Variants in WDR62 observed in about 807,000 individuals in gnomAD.
The protein encoded by WDR62 is WD repeat domain 62, also known as WD repeat-containing protein 62.
WDR62 carries 112 observed loss-of-function variants against 160.6 expected under a neutral mutation model. The observed-to-expected ratio is 0.70, with a 90% CI of 0.60 to 0.82. The LOEUF (loss-of-function observed/expected upper bound fraction) is 0.82, where lower values mean the gene tolerates loss of function less well. Ranked by LOEUF, WDR62 falls within the 40% of genes least tolerant of loss-of-function variation. The pLI, the probability that WDR62 is intolerant of heterozygous loss-of-function variation, is 0.00. For missense variants in WDR62, 1,819 were observed against 1,983.8 expected (o/e 0.92, Z 1.58); for synonymous variants, 792 against 815.1 (o/e 0.97, Z 0.48).
intron 1 of WDR62, among the ~76,000 whole-genome samples, chr19:36,058,575 T>TC (rs1232054313): frequency 2.0e-5 from 3 of 152,250 alleles, no homozygotes; most frequent in African/African-American, 7.2e-5. Context: ...ATTTGTCTCT[T>TC]CCTCACCACT....
intron 9 of WDR62, chr19:36,073,920 A>G (rs537735041): frequency 1.5e-4 from 55 of 362,146 alleles, no homozygotes; most frequent in Middle Eastern, 2.0e-3. Context: ...GAGAACCACA[A>G]GCACAGAGGC....
intron 1 of WDR62, 143 bp from the exon 2 acceptor site, chr19:36,058,637 G>T: frequency 1.4e-6 from 1 of 708,510 alleles, no homozygotes; most frequent in East Asian, 2.7e-5. Flanking sequence ...GAGAGAACAA[G>T]TGTTAGCTGC....
intron 23 of WDR62, 97 bp downstream of exon 23, chr19:36,100,972 G>C (rs1297465510): frequency 4.4e-6 from 7 of 1,582,538 alleles, no homozygotes; most frequent in Non-Finnish European, 5.2e-6. Context: ...CAGTGGGCTT[G>C]TGGGAGTGGG....
chr19:36,065,866 G>A lies in WDR62; in HGVS notation c.333-92G>A, dbSNP rs1452827153. On this transcript the variant is annotated intron_variant, in intron 3 of 31. Coordinates refer to ENST00000401500, the MANE Select transcript of WDR62 (RefSeq NM_001083961.2). ...GGCCTCTTCCGAGGCTTGGGAGGCA[G>A]AAGAGGGCAGAGTCCTATCAGAGTC... The A allele has an allele frequency of 5.5e-6, 7 of 1,282,676 alleles. No homozygotes were observed. In the Admixed American group the frequency reaches 1.0e-4, roughly 18 times the overall value. 79.5% of individuals were successfully genotyped at this position (1,282,676 alleles called of 1,614,324 possible).
chr19:36,060,280 T>A, intron 3 of WDR62: 1 of 562,406 alleles, frequency 1.8e-6, no homozygotes, highest in Non-Finnish European at 3.2e-6. Flanking sequence ...GGGCTGATCA[T>A]GATCAGTGCT....
intron 23 of WDR62, 48 bp downstream of exon 23, chr19:36,100,923 CTGATAGCT>C: frequency 6.2e-7 from 1 of 1,613,242 alleles, no homozygotes; most frequent in East Asian, 2.2e-5. Context: ...GAACCCCCAG[CTGATAGCT>C]GCATCCTGGA....
chr19:36,085,414 C>CTTTTTTTTTTTTTTTTTTTT lies in WDR62; in HGVS notation c.1642+674_1642+693dup, dbSNP rs35753706. 3.7e-4 allele frequency among the ~76,000 whole-genome samples: 26 copies of CTTTTTTTTTTTTTTTTTTTT among 70,394 alleles called. 1 individual carries two copies. Among genetic ancestry groups the CTTTTTTTTTTTTTTTTTTTT allele is most frequent in the African/African-American group, 9.8e-4 (21 of 21,468 alleles). The allele number at this position is 70,394 out of a possible 152,430, so 46.2% of individuals were successfully genotyped here. A position where few individuals can be genotyped will look rare whatever the true frequency, so the allele number is the denominator to read the frequency against. The stretch of plus-strand genomic sequence containing the variant: ...TAGGGCATGAGCCACCACACCTGAC[C>CTTTTTTTTTTTTTTTTTTTT]TTTTTTTTTTTTTTTTTTTTTTTGA... On this transcript the variant is annotated intron_variant, in intron 12 of 31. Transcript: ENST00000401500.
downstream of WDR62, among the ~76,000 whole-genome samples, chr19:36,108,461 G>A (rs1286044096): frequency 2.6e-5 from 4 of 151,770 alleles, no homozygotes; most frequent in African/African-American, 4.8e-5. Context: ...AGGCATCCCA[G>A]TCAGGGCTGC....
In WDR62 at chr19:36,084,753, G is replaced by T; in HGVS notation, c.1642+9G>T. On this transcript the variant is annotated intron_variant, in intron 12 of 31. Coordinates refer to ENST00000401500, the MANE Select transcript of WDR62 (RefSeq NM_001083961.2). Reference sequence around the variant, plus strand: ...CTCCAAGCCAGAGACGGGTGAGCCCGCAGCAGGGGTGGAATGGGGGTCAGG... The same window carrying T: ...CTCCAAGCCAGAGACGGGTGAGCCCTCAGCAGGGGTGGAATGGGGGTCAGG... 6.2e-7 allele frequency: 1 copy of T among 1,612,042 alleles called. No individual in the cohort carries two copies. The highest frequency in any genetic ancestry group is 1.3e-5 in the African/African-American group (1 of 74,988).
intron 1 of WDR62, among the ~76,000 whole-genome samples, chr19:36,055,670 A>G (rs1476954819): frequency 6.6e-6 from 1 of 152,026 alleles, no homozygotes; most frequent in Non-Finnish European, 1.5e-5. Context: ...TATGAGAAAG[A>G]CGTGAGAAGT....
Position 36,067,303 on chromosome 19 carries a change from C to T in WDR62, c.562-3C>T. On this transcript the variant is annotated splice_polypyrimidine_tract_variant and splice_region_variant and intron_variant, in intron 5 of 31. Transcript: ENST00000401500. ...ATGAGCTTCTCTGCACTTATTCTTC[C>T]AGAAAGACATCGTAGTGGCCTCCAA... The T allele has an allele frequency of 1.9e-6, 3 of 1,614,142 alleles. No homozygotes were observed. The highest frequency in any genetic ancestry group is 1.7e-5 in the Admixed American group (1 of 60,038).
Position 36,103,085 on chromosome 19 carries a change from G to A in WDR62, c.3462+11G>A. On this transcript the variant is annotated intron_variant, in intron 28 of 31. Coordinates refer to ENST00000401500, the MANE Select transcript of WDR62 (RefSeq NM_001083961.2). ...CCAGACAGGACCCACGTGAGTATTG[G>A]GCCCACCTCCGTCAGGGCACGGGGC... 1 of 1,614,024 alleles carries A rather than the reference G, an allele frequency of 6.2e-7. No individual in the cohort carries two copies. Among genetic ancestry groups the A allele is most frequent in the Non-Finnish European group, 8.5e-7 (1 of 1,180,036 alleles).
Position 36,103,526 on chromosome 19 carries a change from C to G in WDR62, c.3698C>G (p.Ser1233Cys), listed in dbSNP as rs587784560. Residue 1233 changes from serine to cysteine, a missense_variant, in exon 30 of 32, where the codon TCC (serine) becomes TGC (cysteine). Physicochemically the swap from Ser to Cys is moderately radical, Grantham distance 112. Transcript: ENST00000401500. ...SSRARISRSI[S>C]LGDSEGPIVA... ...CGTGCCAGGATATCACGCAGCATCTCCCTCGGTGACAGTGAGGGCCCTATC... is the reference window on the plus strand; with the variant it reads ...CGTGCCAGGATATCACGCAGCATCTGCCTCGGTGACAGTGAGGGCCCTATC... 3.7e-6 allele frequency: 6 copies of G among 1,614,150 alleles called. No individual in the cohort carries two copies. In the Admixed American group the frequency reaches 1.0e-4, roughly 27 times the overall value.
At chr19:36,068,421 G>T (rs1335291718) in intron 7 of WDR62, among the ~76,000 whole-genome samples, 1 of 152,010 alleles carries the variant, frequency 6.6e-6, no homozygotes, top group Non-Finnish European at 1.5e-5. Flanking sequence ...GTTTGGCAGG[G>T]TCTTAGGACA....
chr19:36,097,487 A>T (rs1973045739), intron 21 of WDR62, among the ~76,000 whole-genome samples: 1 of 152,192 alleles, frequency 6.6e-6, no homozygotes, highest in African/African-American at 2.4e-5. Flanking sequence ...CTGAAGTGGG[A>T]GGATCACTTG....
the WDR62 span, among the ~76,000 whole-genome samples, chr19:36,110,819 T>C: frequency 6.6e-6 from 1 of 152,174 alleles, no homozygotes; most frequent in Non-Finnish European, 1.5e-5. Flanking sequence ...GGCTGCTGGA[T>C]GTCCCCTGGT....
rs745453609 is a variant in WDR62 at position 36,086,714 on chromosome 19, G to A, written c.1670G>A (p.Arg557Gln). Residue 557 changes from arginine (R) to glutamine (Q), a missense_variant, in exon 13 of 32, where the codon CGG (arginine) becomes CAG (glutamine). This residue lies in a region of WDR62 where 934 missense variants were observed against 1,157.2 expected (regional missense o/e 0.81). Coordinates refer to ENST00000401500, the MANE Select transcript of WDR62 (RefSeq NM_001083961.2). ...CTGACCTTGCTGGCCTCAGCCAGTC[G>A]GGACCGGCTGATCCATGTGCTGAAC... The part of the protein sequence containing the change: ...TGLTLLASAS[R>Q]DRLIHVLNVE... 4.4e-6 allele frequency: 7 copies of A among 1,604,066 alleles called. No individual in the cohort carries two copies. Among genetic ancestry groups the A allele is most frequent in the Admixed American group, 1.7e-5 (1 of 58,974 alleles).
intron 2 of WDR62, among the ~76,000 whole-genome samples, chr19:36,059,646 G>A (rs1036391190): frequency 6.6e-6 from 1 of 152,040 alleles, no homozygotes; most frequent in African/African-American, 2.4e-5. Flanking sequence ...TGTCGCCCAG[G>A]CTGGTCTAAA....
At chr19:36,091,076 G>A (rs1024926046) in intron 16 of WDR62, 124 bp from the exon 17 acceptor site, 15 of 788,616 alleles carry the variant, frequency 1.9e-5, no homozygotes, top group Admixed American at 1.6e-4. Flanking sequence ...GAATGGGAGC[G>A]GGAGCTCCTG....
Sources: gnomAD v4.1 joint callset for allele counts (sites outside exome capture counted in the v4.1 genomes callset) on GRCh38, gnomAD v4.1.1 for gene constraint, gnomAD v4.1.1 regional missense constraint, MANE v1.5 for transcripts, NCBI Gene and HGNC (gene_info 2026-07-23, HGNC 2026-07-21) for gene names.